NIPBL: variants seen among roughly 807,000 people sequenced by gnomAD.
The protein encoded by NIPBL is NIPBL cohesin loading factor, also known as nipped-B-like protein.
Under a neutral mutation model 321.8 loss-of-function variants are expected in NIPBL, and 19 were observed. The observed-to-expected ratio is 0.06, with a 90% confidence interval of 0.04 to 0.09. The LOEUF is 0.09. Ranked by LOEUF, NIPBL falls within the 10% of genes least tolerant of loss-of-function variation. The pLI is 1.00. For synonymous variants in NIPBL, 1,106 were observed against 1,114.1 expected (o/e 0.99, Z 0.14); for missense variants, 2,210 against 3,327.0 (o/e 0.66, Z 8.26).
At chr5:36,885,875 C>T in intron 1 of NIPBL, 1 of 728,814 alleles carries the variant, frequency 1.4e-6, no homozygotes, top group Non-Finnish European at 2.5e-6. Context: ...AAAAGGCCTA[C>T]AAGCCCAGCT....
Position 37,052,579 on chromosome 5 carries a change from A to T in NIPBL, c.7263+13A>T. 1 of 1,607,996 alleles carries T rather than the reference A, an allele frequency of 6.2e-7. No homozygotes were observed. The highest frequency in any genetic ancestry group is 8.5e-7 in the Non-Finnish European group (1 of 1,174,826). On this transcript the variant is annotated intron_variant, in intron 42 of 46. Transcript: ENST00000282516. The stretch of plus-strand genomic sequence containing the variant: ...TGATGACACAGCAGTAAGCACAAAA[A>T]CTTATTATTTTAAGAAAATAAGTGC...
Position 37,052,528 on chromosome 5 carries a change from T to C in NIPBL, c.7225T>C (p.Phe2409Leu), listed in dbSNP as rs1180608705. 1 of 1,614,040 alleles carries C rather than the reference T, an allele frequency of 6.2e-7. No individual in the cohort carries two copies. The highest frequency in any genetic ancestry group is 1.3e-5 in the African/African-American group (1 of 74,926). Residue 2409 changes from phenylalanine to leucine, a missense_variant, in exon 42 of 47, where the codon TTT (phenylalanine) becomes CTT (leucine). By Grantham distance (22) the Phe-to-Leu change is conservative. Transcript: ENST00000282516. ...TGGAAACCGCCAACACAGACGAGCC[T>C]TTCTTATTTCTTTACTCAACCTCTT... is the stretch of plus-strand genomic sequence containing the variant. ...IRGNRQHRRA[F>L]LISLLNLFDD...
At chr5:37,052,748 A>G (rs1579584559) in intron 42 of NIPBL, among the ~76,000 whole-genome samples, 182 bp downstream of exon 42, 1 of 152,196 alleles carries the variant, frequency 6.6e-6, no homozygotes, top group East Asian at 1.9e-4. Flanking sequence ...ATTTTGTATG[A>G]GAATAAGTGT....
chr5:36,915,950 A>C (rs768293284), intron 1 of NIPBL, among the ~76,000 whole-genome samples: 3 of 152,224 alleles, frequency 2.0e-5, no homozygotes, highest in Non-Finnish European at 4.4e-5. Context: ...TTGATAGAAC[A>C]CAGACTAAAA....
chr5:36,939,891 C>T (rs1268477264), intron 1 of NIPBL, among the ~76,000 whole-genome samples: 1 of 152,154 alleles, frequency 6.6e-6, no homozygotes, highest in African/African-American at 2.4e-5. Flanking sequence ...TCTTAAAGGT[C>T]CCATCTCTCA....
intron 1 of NIPBL, among the ~76,000 whole-genome samples, chr5:36,937,632 C>G (rs1262011288): frequency 1.3e-5 from 2 of 152,036 alleles, no homozygotes; most frequent in Non-Finnish European, 2.9e-5. Context: ...AGGACCTTCT[C>G]CATTATGTCA....
chr5:37,025,754 G>A (rs1236986067), intron 30 of NIPBL, among the ~76,000 whole-genome samples: 1 of 151,988 alleles, frequency 6.6e-6, no homozygotes, highest in African/African-American at 2.4e-5. Context: ...TTGTATGCTT[G>A]TATCAAAAGT....
At chr5:37,064,481 C>T (rs768606162) in intron 46 of NIPBL, 46 bp from the exon 47 acceptor site, 168 of 1,603,992 alleles carry the variant, frequency 1.0e-4, no homozygotes, top group Non-Finnish European at 1.3e-4. Context: ...CACTAAAATT[C>T]TTTTGTGTAA....
At chr5:36,907,503 C>T (rs1747728031) in intron 1 of NIPBL, among the ~76,000 whole-genome samples, 2 of 152,062 alleles carry the variant, frequency 1.3e-5, no homozygotes, top group Non-Finnish European at 2.9e-5. Flanking sequence ...CTAAAAGGAA[C>T]TAAAGTTATA....
chr5:36,968,996 A>G (rs1425662896), intron 6 of NIPBL, among the ~76,000 whole-genome samples: 2 of 152,246 alleles, frequency 1.3e-5, no homozygotes, highest in Non-Finnish European at 2.9e-5. Context: ...CATCATTATA[A>G]TGAAATCAAT....
intron 16 of NIPBL, among the ~76,000 whole-genome samples, chr5:37,004,779 A>C (rs1347793703): frequency 6.6e-6 from 1 of 152,180 alleles, no homozygotes; most frequent in African/African-American, 2.4e-5. Flanking sequence ...AAAACACAGA[A>C]AGCACCAAAA....
At chr5:36,986,377 A>C (rs1346237626) in intron 10 of NIPBL, 76 bp downstream of exon 10, 1 of 1,011,316 alleles carries the variant, frequency 9.9e-7, no homozygotes, top group East Asian at 2.9e-5. Context: ...TTAAAAAGGA[A>C]ATTTACAAAA....
At chr5:36,881,933 G>A (rs1363317277) in intron 1 of NIPBL, among the ~76,000 whole-genome samples, 2 of 151,956 alleles carry the variant, frequency 1.3e-5, no homozygotes, top group Non-Finnish European at 2.9e-5. Flanking sequence ...GAAAGACAAA[G>A]TTCAGCTTTA....
At chr5:37,061,119 A>C (rs1483667730) in intron 45 of NIPBL, 101 bp downstream of exon 45, 8 of 820,310 alleles carry the variant, frequency 9.8e-6, no homozygotes, top group Non-Finnish European at 1.4e-5. Flanking sequence ...CACATTGAAT[A>C]TAAGCTTCAT....
At chr5:37,008,217 T>C in intron 19 of NIPBL, 129 bp downstream of exon 19, 1 of 681,154 alleles carries the variant, frequency 1.5e-6, no homozygotes, top group Admixed American at 2.3e-5. Flanking sequence ...CTAAGGACTA[T>C]TTTACTAAGT....
At chr5:37,032,476 G>T (rs1351759879) in intron 32 of NIPBL, among the ~76,000 whole-genome samples, 2 of 146,876 alleles carry the variant, frequency 1.4e-5, no homozygotes, top group Non-Finnish European at 3.0e-5. Context: ...AATCTTAAAG[G>T]TAGGATCCAG....
At chr5:37,031,955 G>A (rs764749466) in intron 32 of NIPBL, among the ~76,000 whole-genome samples, 1 of 152,158 alleles carries the variant, frequency 6.6e-6, no homozygotes, top group Admixed American at 6.5e-5. Context: ...GGGATTGACT[G>A]GGAAAGGACA....
intron 1 of NIPBL, among the ~76,000 whole-genome samples, chr5:36,910,837 A>G (rs1197871706): frequency 6.6e-6 from 1 of 152,192 alleles, no homozygotes; most frequent in African/African-American, 2.4e-5. Context: ...TAACAAAACT[A>G]GGAGAGAGAT....
chr5:37,044,267 C>A, intron 34 of NIPBL, 80 bp from the exon 35 acceptor site: 3 of 1,297,776 alleles, frequency 2.3e-6, no homozygotes, highest in Non-Finnish European at 2.1e-6. Flanking sequence ...TGCCCTATTT[C>A]TGCCCCCAAA....
Sources: allele counts gnomAD v4.1 joint callset (sites outside exome capture counted in the v4.1 genomes callset), GRCh38; gene constraint gnomAD v4.1.1; transcripts MANE v1.5; gene names NCBI Gene and HGNC (gene_info 2026-07-23, HGNC 2026-07-21).